Variants in RAB11FIP4 observed in about 807,000 individuals in gnomAD.
RAB11FIP4 encodes rab11 family-interacting protein 4.
In RAB11FIP4, 23 loss-of-function variants were observed where a neutral mutation model predicts 74.3. The ratio of observed to expected loss-of-function variants is 0.31; its 90% CI spans 0.22 to 0.44. The LOEUF (loss-of-function observed/expected upper bound fraction) is 0.44. Among genes scored for constraint, RAB11FIP4 ranks in the 20% least tolerant of loss-of-function variants. The pLI is 1.00. For synonymous variants in RAB11FIP4, 360 were observed against 359.9 expected (o/e 1.00, Z 0.00); for missense variants, 630 against 863.9 (o/e 0.73, Z 3.39).
chr17:31,397,828 C>G (rs1240532673), intron 1 of RAB11FIP4, among the ~76,000 whole-genome samples: 1 of 151,384 alleles, frequency 6.6e-6, no homozygotes, highest in East Asian at 1.9e-4. Flanking sequence ...AGGCCAGATG[C>G]AGAAAGTCTG....
intron 3 of RAB11FIP4, among the ~76,000 whole-genome samples, chr17:31,471,839 G>T (rs2071740086): frequency 6.6e-6 from 1 of 152,190 alleles, no homozygotes; most frequent in South Asian, 2.1e-4. Flanking sequence ...CTTTTCAGGT[G>T]GGGAGGCGCC....
rs2072962739 is a variant in RAB11FIP4, at chr17:31,536,346, CA to C, written c.*4619del. On this transcript the variant is annotated 3_prime_UTR_variant, in exon 15 of 15. Coordinates refer to ENST00000621161, the MANE Select transcript of RAB11FIP4 (RefSeq NM_032932.6). The stretch of plus-strand genomic sequence containing the variant: ...TCTTGTCTTTATTTTTTTAAAAAAA[CA>C]AAAAGTAACTTTCGATGTGATCATA... 6.6e-6 allele frequency: 1 copy of C among 152,066 alleles called. No homozygotes were observed. Among genetic ancestry groups the C allele is most frequent in the Non-Finnish European group, 1.5e-5 (1 of 68,006 alleles). 9.4% of individuals were successfully genotyped at this position (152,066 alleles called of 1,614,324 possible). A position where few individuals can be genotyped will look rare whatever the true frequency, so the allele number is the denominator to read the frequency against.
intron 3 of RAB11FIP4, among the ~76,000 whole-genome samples, chr17:31,434,875 C>G (rs911737614): frequency 3.9e-5 from 6 of 152,232 alleles, no homozygotes; most frequent in Non-Finnish European, 5.9e-5. Flanking sequence ...CACCCGGGCT[C>G]TCTGCATCTC....
intron 3 of RAB11FIP4, among the ~76,000 whole-genome samples, chr17:31,505,661 TTA>T (rs1175687404): frequency 2.6e-5 from 2 of 77,512 alleles, no homozygotes; most frequent in Admixed American, 1.9e-4. Context: ...TATATAATAA[TTA>T]TATAATACAT....
At chr17:31,484,786 G>A (rs1382846751) in intron 3 of RAB11FIP4, among the ~76,000 whole-genome samples, 1 of 152,184 alleles carries the variant, frequency 6.6e-6, no homozygotes, top group Non-Finnish European at 1.5e-5. Context: ...AATAGCTACT[G>A]TTTATTGGTT....
chr17:31,476,172 C>CTTTTTTTTT lies in RAB11FIP4; in HGVS notation c.337-41457_337-41449dup, dbSNP rs71369069. ...CTGCAAATAATGAGAATCGACTGAA[C>CTTTTTTTTT]TTTTTTTTTTTTTTTTTTTTTTTTT... On this transcript the variant is annotated intron_variant, in intron 3 of 14. Coordinates refer to ENST00000621161, the MANE Select transcript of RAB11FIP4 (RefSeq NM_032932.6). Among the ~76,000 whole-genome samples, 60 of 63,570 alleles carry CTTTTTTTTT rather than the reference C, an allele frequency of 9.4e-4. 4 individuals are homozygous for CTTTTTTTTT. The highest frequency in any genetic ancestry group is 1.3e-3 in the Admixed American group (5 of 3,890). The allele number at this position is 63,570 out of a possible 152,430, so 41.7% of individuals were successfully genotyped here. A position where few individuals can be genotyped will look rare whatever the true frequency, so the allele number is the denominator to read the frequency against.
intron 9 of RAB11FIP4, chr17:31,524,661 T>A: frequency 4.5e-6 from 1 of 222,336 alleles, no homozygotes; most frequent in Non-Finnish European, 9.1e-6. Flanking sequence ...CCCCTGGCCC[T>A]GTCCCAGGTC....
intron 3 of RAB11FIP4, among the ~76,000 whole-genome samples, chr17:31,497,173 G>C (rs1306484092): frequency 6.6e-6 from 1 of 152,128 alleles, no homozygotes; most frequent in Non-Finnish European, 1.5e-5. Context: ...AGACCAGCCT[G>C]ACCAACATGG....
chr17:31,402,818 G>C lies in RAB11FIP4; in HGVS notation c.159+10807G>C, dbSNP rs371528513. 3.6e-3 allele frequency among the ~76,000 whole-genome samples: 548 copies of C among 151,720 alleles called. 3 individuals are homozygous for C. Among genetic ancestry groups the C allele is most frequent in the African/African-American group, 0.012 (503 of 41,354 alleles). ...TTTTTTGTATTTTTAGTAGAGACGG[G>C]GTTTCACCGTGTTAGCCAGGATGGT... On this transcript the variant is annotated intron_variant, in intron 1 of 14. Transcript: ENST00000621161.
chr17:31,463,831 T>TTTTTTTTG (rs2071656861), intron 3 of RAB11FIP4, among the ~76,000 whole-genome samples: 5 of 129,592 alleles, frequency 3.9e-5, no homozygotes, highest in Admixed American at 8.1e-5. Flanking sequence ...TTTTTTTTTT[T>TTTTTTTTG]GAGACAGAGT....
intron 5 of RAB11FIP4, 111 bp downstream of exon 5, chr17:31,521,471 C>G: frequency 1.0e-6 from 1 of 962,398 alleles, no homozygotes; most frequent in Non-Finnish European, 1.5e-6. Flanking sequence ...TTCCTTTGTC[C>G]TCAGCTACTT....
chr17:31,525,247 A>T lies in RAB11FIP4; in HGVS notation c.1274+17A>T, dbSNP rs946976924. The T allele has an allele frequency of 1.2e-5, 19 of 1,537,434 alleles. No homozygotes were observed. The highest frequency in any genetic ancestry group is 1.7e-5 in the Non-Finnish European group (19 of 1,141,360). On this transcript the variant is annotated intron_variant, in intron 10 of 14. Transcript: ENST00000621161. ...CAATGCCAGGTGGGCCCCTCCACCG[A>T]GCCCCCTCCCTCAGAGGGACCCCCT...
At chr17:31,401,443 G>C (rs2070985037) in intron 1 of RAB11FIP4, among the ~76,000 whole-genome samples, 1 of 152,216 alleles carries the variant, frequency 6.6e-6, no homozygotes, top group Non-Finnish European at 1.5e-5. Flanking sequence ...GATGAGCAGA[G>C]CAGCCCAGAA....
At position 31,535,195 on chromosome 17, in the gene RAB11FIP4, G is replaced by A. The variant is rs1016834833; in HGVS notation, c.*3463G>A. The A allele has an allele frequency of 6.6e-6, 1 of 151,540 alleles. No individual in the cohort carries two copies. 9.4% of individuals were successfully genotyped at this position (151,540 alleles called of 1,614,324 possible). ...AGCACTTGGGAGGCAGTGGCAGGCG[G>A]ATCACTTGAGCTCAGGAGTCCTAAA... On this transcript the variant is annotated 3_prime_UTR_variant, in exon 15 of 15. Coordinates refer to ENST00000621161, the MANE Select transcript of RAB11FIP4 (RefSeq NM_032932.6).
chr17:31,518,476 C>T (rs1358430693), intron 4 of RAB11FIP4: 2 of 152,498 alleles, frequency 1.3e-5, no homozygotes, highest in Non-Finnish European at 2.9e-5. Flanking sequence ...ACTTGGGAGG[C>T]TGAGGCAGGA....
chr17:31,519,562 AG>A (rs2072624565), intron 4 of RAB11FIP4, among the ~76,000 whole-genome samples: 1 of 152,038 alleles, frequency 6.6e-6, no homozygotes, highest in Non-Finnish European at 1.5e-5. Flanking sequence ...GAGGAAGCCG[AG>A]GGGGTTGCAA....
intron 3 of RAB11FIP4, among the ~76,000 whole-genome samples, chr17:31,481,477 C>T (rs917807493): frequency 2.6e-5 from 4 of 152,068 alleles, no homozygotes; most frequent in Admixed American, 6.6e-5. Flanking sequence ...GGTAGTGGCA[C>T]GCAGGGTGGG....
At position 31,472,719 on chromosome 17, in the gene RAB11FIP4, G is replaced by A. The variant is rs568206835; in HGVS notation, c.336+38597G>A. ...AAGAGGGCCTCATGCAGGAGGTGAC[G>A]TGAGCCGAGCCAGACAGAAGTGAGG... On this transcript the variant is annotated intron_variant, in intron 3 of 14. Coordinates refer to ENST00000621161, the MANE Select transcript of RAB11FIP4 (RefSeq NM_032932.6). Among the ~76,000 whole-genome samples the A allele has an allele frequency of 2.9e-3, 434 of 152,268 alleles. 4 individuals carry two copies. Among genetic ancestry groups the A allele is most frequent in the African/African-American group, 9.7e-3 (405 of 41,566 alleles).
At chr17:31,528,372 A>G (rs1375235546) in intron 11 of RAB11FIP4, 34 bp from the exon 12 acceptor site, 15 of 1,599,464 alleles carry the variant, frequency 9.4e-6, no homozygotes, top group Admixed American at 5.1e-5. Context: ...CTCTCTGGGA[A>G]CTCTCCTCCC....
Sources: allele counts gnomAD v4.1 joint callset (sites outside exome capture counted in the v4.1 genomes callset), GRCh38; gene constraint gnomAD v4.1.1; transcripts MANE v1.5; gene names NCBI Gene and HGNC (gene_info 2026-07-23, HGNC 2026-07-21).